Variants in DENR observed in about 807,000 individuals in gnomAD.
DENR encodes the protein density-regulated protein.
Under a neutral mutation model 30.6 loss-of-function variants are expected in DENR, and 6 were observed. That is an observed-to-expected ratio of 0.20 (90% CI 0.11 to 0.39). The LOEUF is 0.39. Among genes scored for constraint, DENR ranks in the 10% least tolerant of loss-of-function variants. The probability of loss-of-function intolerance (pLI) is 1.00; values close to 1 mark genes in which losing one functional copy is unlikely to be tolerated. For synonymous variants in DENR, 78 were observed against 72.1 expected, an observed-to-expected ratio of 1.08 and a Z score of -0.41; for missense variants, 141 against 230.9, an observed-to-expected ratio of 0.61 and a Z score of 2.52.
intron 5 of DENR, among the ~76,000 whole-genome samples, chr12:122,767,034 C>A (rs970787563): frequency 1.6e-4 from 25 of 152,150 alleles, no homozygotes; most frequent in African/African-American, 4.8e-4. Context: ...CTGGAATGTC[C>A]TTTCTTATGC....
Position 122,770,761 on chromosome 12 carries a change from AAAT to A in DENR, c.*1686_*1688del. ...ACAATCTTGAATGAGTGTTTTTTAA[AAAT>A]AAAGTATTAGAAAAATGTGTAGTAA... On this transcript the variant is annotated 3_prime_UTR_variant, in exon 8 of 8. Transcript: ENST00000280557. The A allele has an allele frequency of 2.5e-6, 1 of 398,502 alleles. No individual in the cohort carries two copies. The highest frequency in any genetic ancestry group is 4.4e-5 in the Admixed American group (1 of 22,716). 24.7% of individuals were successfully genotyped at this position (398,502 alleles called of 1,614,324 possible). A position where few individuals can be genotyped will look rare whatever the true frequency, so the allele number is the denominator to read the frequency against.
Position 122,753,761 on chromosome 12 carries a change from T to C in DENR, c.60T>C (p.Ser20=), listed in dbSNP as rs1347199177. Residue 20 remains serine, a synonymous_variant, in exon 2 of 8, where the codon AGT becomes AGC. Coordinates refer to ENST00000280557, the MANE Select transcript of DENR (RefSeq NM_003677.5). ...GADCKGDPRN[S]AKLDADYPLR... is the part of the protein sequence containing the mutation. The stretch of plus-strand genomic sequence containing the variant: ...ACTGCAAAGGAGACCCAAGGAACAG[T>C]GCCAAGTTAGATGCCGATTACCCAC... The C allele has an allele frequency of 2.5e-6, 4 of 1,613,908 alleles. No homozygotes were observed. The highest frequency in any genetic ancestry group is 2.2e-5 in the East Asian group (1 of 44,904).
At chr12:122,761,583 G>A (rs994677903) in intron 2 of DENR, among the ~76,000 whole-genome samples, 3 of 152,228 alleles carry the variant, frequency 2.0e-5, no homozygotes, top group African/African-American at 7.2e-5. Context: ...ACTTTGGGAA[G>A]CTAAGATAGG....
intron 2 of DENR, 87 bp from the exon 3 acceptor site, chr12:122,762,100 C>T: frequency 2.3e-6 from 2 of 874,464 alleles, no homozygotes; most frequent in Non-Finnish European, 3.3e-6. Flanking sequence ...GAAGCATTTT[C>T]TCAAATATAA....
At chr12:122,768,205 GA>G (rs2135513135) in intron 6 of DENR, 1 of 152,562 alleles carries the variant, frequency 6.6e-6, no homozygotes. Context: ...CCTTAAAAAA[GA>G]AAAAAGAGGC....
intron 2 of DENR, among the ~76,000 whole-genome samples, chr12:122,759,237 A>G (rs903942298): frequency 1.3e-5 from 2 of 152,232 alleles, no homozygotes; most frequent in Non-Finnish European, 2.9e-5. Flanking sequence ...TCAAGAGCTC[A>G]TAATGTCAGA....
chr12:122,762,595 T>C (rs75593389), intron 3 of DENR, among the ~76,000 whole-genome samples: 1,868 of 152,364 alleles, frequency 0.012, 40 homozygotes, highest in African/African-American at 0.043. Context: ...GAGGCACTTA[T>C]GTGCTCAAAG....
Position 122,769,591 on chromosome 12 carries a change from C to A in DENR, c.*513C>A. The A allele has an allele frequency of 1.8e-6, 1 of 559,376 alleles. No individual in the cohort carries two copies. The highest frequency in any genetic ancestry group is 2.4e-6 in the Non-Finnish European group (1 of 425,378). 34.7% of individuals were successfully genotyped at this position (559,376 alleles called of 1,614,324 possible). ...GTGCGATCTCGGCTCACTGCAACCTCCGCCTCCCGGGTTCAAGTGATTCTC... is the reference window on the plus strand; with the variant it reads ...GTGCGATCTCGGCTCACTGCAACCTACGCCTCCCGGGTTCAAGTGATTCTC... On this transcript the variant is annotated 3_prime_UTR_variant, in exon 8 of 8. Transcript: ENST00000280557.
chr12:122,757,808 C>CT (rs1878589237), intron 2 of DENR, among the ~76,000 whole-genome samples: 1 of 152,130 alleles, frequency 6.6e-6, no homozygotes, highest in African/African-American at 2.4e-5. Context: ...TGGATAATAA[C>CT]TGTTTGGAAG....
In DENR at chr12:122,753,673, GT is replaced by G. The variant is rs1271870370; in HGVS notation, c.-9-18del. ...CTTGATTCTAAAATAGTGAGGGTGT[GT>G]TATTTTCCTTGCTTACAGGTTTGTG... On this transcript the variant is annotated intron_variant, in intron 1 of 7. Coordinates refer to ENST00000280557, the MANE Select transcript of DENR (RefSeq NM_003677.5). The G allele has an allele frequency of 6.3e-7, 1 of 1,586,506 alleles. No individual in the cohort carries two copies. Among genetic ancestry groups the G allele is most frequent in the African/African-American group, 1.3e-5 (1 of 74,460 alleles).
rs1242379896 is a variant in DENR at position 122,770,021 on chromosome 12, T to A, written c.*943T>A. The A allele has an allele frequency of 2.6e-5, 4 of 152,644 alleles. No homozygotes were observed. The highest frequency in any genetic ancestry group is 2.6e-4 in the Admixed American group (4 of 15,282). The allele number at this position is 152,644 out of a possible 1,614,324, so 9.5% of individuals were successfully genotyped here. ...CTAATAGATCTGTGGTTGAATTTGC[T>A]GTGTTGTTATGAAGTCCACCCTGTG... On this transcript the variant is annotated 3_prime_UTR_variant, in exon 8 of 8. Transcript: ENST00000280557.
intron 2 of DENR, among the ~76,000 whole-genome samples, chr12:122,757,307 G>T (rs1424395057): frequency 6.6e-6 from 1 of 152,136 alleles, no homozygotes; most frequent in African/African-American, 2.4e-5. Context: ...CAAGCATTGT[G>T]CTCCATATAC....
chr12:122,762,753 G>C, intron 3 of DENR, 92 bp from the exon 4 acceptor site: 1 of 789,478 alleles, frequency 1.3e-6, no homozygotes, highest in Non-Finnish European at 2.0e-6. Flanking sequence ...TTTATTCTTT[G>C]TATTAACAAG....
chr12:122,768,234 ACCTGTTATAATC>A (rs1168820555), intron 6 of DENR: 1 of 152,632 alleles, frequency 6.6e-6, no homozygotes, highest in East Asian at 1.9e-4. Context: ...GATGGCTCAC[ACCTGTTATAATC>A]CCAGCACTTT....
intron 6 of DENR, 24 bp from the exon 7 acceptor site, chr12:122,768,758 C>G (rs983457865): frequency 1.3e-6 from 2 of 1,519,472 alleles, no homozygotes; most frequent in Non-Finnish European, 1.8e-6. Flanking sequence ...ACAGTTCTTG[C>G]TCTTTCTTTT....
chr12:122,770,292 AAAG>A lies in DENR; in HGVS notation c.*1218_*1220del. The A allele has an allele frequency of 4.7e-6, 1 of 214,174 alleles. No individual in the cohort carries two copies. Among genetic ancestry groups the A allele is most frequent in the Non-Finnish European group, 9.1e-6 (1 of 109,928 alleles). 13.3% of individuals were successfully genotyped at this position (214,174 alleles called of 1,614,324 possible). A position where few individuals can be genotyped will look rare whatever the true frequency, so the allele number is the denominator to read the frequency against. ...ATAAATGAACAATTGGGAAATGGTTAAAGAAGTGATGGTGCATTGTGTGGTAGA... is the reference window on the plus strand; with the variant it reads ...ATAAATGAACAATTGGGAAATGGTTAAAGTGATGGTGCATTGTGTGGTAGA... On this transcript the variant is annotated 3_prime_UTR_variant, in exon 8 of 8. Coordinates refer to ENST00000280557, the MANE Select transcript of DENR (RefSeq NM_003677.5).
intron 2 of DENR, among the ~76,000 whole-genome samples, chr12:122,759,400 A>AT (rs1270566891): frequency 3.3e-5 from 5 of 152,064 alleles, no homozygotes; most frequent in Admixed American, 6.6e-5. Context: ...AGCTCCCCCA[A>AT]TTTTTTTATT....
chr12:122,765,269 ATGT>A, intron 4 of DENR, 32 bp from the exon 5 acceptor site: 1 of 1,494,646 alleles, frequency 6.7e-7, no homozygotes, highest in Non-Finnish European at 9.1e-7. Context: ...GTGTGAGATG[ATGT>A]TCATGCTTTT....
chr12:122,769,214 A>C lies in DENR; in HGVS notation c.*136A>C. ...CATATATGTATGTATACACATATAC[A>C]CATGTATATATACATGTGTGTATGT... is the stretch of plus-strand genomic sequence containing the variant. On this transcript the variant is annotated 3_prime_UTR_variant, in exon 8 of 8. Coordinates refer to ENST00000280557, the MANE Select transcript of DENR (RefSeq NM_003677.5). The C allele has an allele frequency of 2.3e-6, 2 of 865,652 alleles. 1 individual carries two copies. The highest frequency in any genetic ancestry group is 7.6e-5 in the South Asian group (2 of 26,358). The allele number at this position is 865,652 out of a possible 1,614,324, so 53.6% of individuals were successfully genotyped here. A position where few individuals can be genotyped will look rare whatever the true frequency, so the allele number is the denominator to read the frequency against.
Sources: allele counts gnomAD v4.1 joint callset (sites outside exome capture counted in the v4.1 genomes callset), GRCh38; gene constraint gnomAD v4.1.1; transcripts MANE v1.5; gene names NCBI Gene and HGNC (gene_info 2026-07-23, HGNC 2026-07-21).